SLCO4A1: variants seen among roughly 807,000 people sequenced by gnomAD.
SLCO4A1 encodes colon organic anion transporter.
A neutral mutation model predicts 64.6 loss-of-function variants in SLCO4A1; 51 were observed. The observed-to-expected ratio is 0.79, with a 90% CI of 0.63 to 1.00. SLCO4A1 has a LOEUF of 1.00. Among genes scored for constraint, SLCO4A1 ranks in the 50% least tolerant of loss-of-function variants. The probability of loss-of-function intolerance (pLI) is 0.00; values close to 1 mark genes in which losing one functional copy is unlikely to be tolerated. For synonymous variants in SLCO4A1, 471 were observed against 444.9 expected, an observed-to-expected ratio of 1.06 and a Z score of -0.74; for missense variants, 919 against 980.5, an observed-to-expected ratio of 0.94 and a Z score of 0.84.
downstream of SLCO4A1, among the ~76,000 whole-genome samples, chr20:62,686,255 A>G (rs911850009): frequency 6.6e-6 from 1 of 152,154 alleles, no homozygotes; most frequent in Admixed American, 6.5e-5. Flanking sequence ...TCATAAGGAC[A>G]TTATCTCCAA....
intron 7 of SLCO4A1, among the ~76,000 whole-genome samples, chr20:62,666,994 A>C (rs1024884844): frequency 1.3e-5 from 2 of 152,076 alleles, no homozygotes; most frequent in African/African-American, 4.8e-5. Context: ...GCAATTAGGG[A>C]ATATCCAAAA....
At position 62,656,410 on chromosome 20, in the gene SLCO4A1, C is replaced by G. The variant is rs371318867; in HGVS notation, c.-45C>G. The G allele has an allele frequency of 8.3e-6, 12 of 1,439,098 alleles. No homozygotes were observed. Among genetic ancestry groups the G allele is most frequent in the Non-Finnish European group, 1.0e-5 (11 of 1,094,280 alleles). 89.1% of individuals were successfully genotyped at this position (1,439,098 alleles called of 1,614,324 possible). On this transcript the variant is annotated 5_prime_UTR_variant, in exon 2 of 12. Transcript: ENST00000217159. ...TGGCCACTCCCGCTGAGGCCACTCC[C>G]ACTGCGTGGCTGAAGCCTCGAGGTC...
rs373153602 is a variant in SLCO4A1, at chr20:62,661,134, G to C, written c.1080G>C (p.Ala360=). The change falls in exon 5 of 12, where the codon GCG becomes GCC. Residue 360 remains alanine (A), a synonymous_variant. Coordinates refer to ENST00000217159, the MANE Select transcript of SLCO4A1 (RefSeq NM_016354.4). The surrounding 1 kb of genome is among the most constrained non-coding windows in gnomAD (Gnocchi z 5.2). ...HQLKDSSRGE[A]SNPDFGKTIR... ...TGAAGGACAGCAGCCGTGGGGAGGCGAGCAACCCGGACTTTGGGAAAACCA... is the reference window on the plus strand; with the variant it reads ...TGAAGGACAGCAGCCGTGGGGAGGCCAGCAACCCGGACTTTGGGAAAACCA... The C allele has an allele frequency of 6.2e-7, 1 of 1,613,272 alleles. No homozygotes were observed. The highest frequency in any genetic ancestry group is 1.3e-5 in the African/African-American group (1 of 74,906).
chr20:62,685,117 T>G lies in SLCO4A1; in HGVS notation n.212-324T>G, dbSNP rs1988009250. Among the ~76,000 whole-genome samples, 1 of 151,302 alleles carries G rather than the reference T, an allele frequency of 6.6e-6. No homozygotes were observed. Among genetic ancestry groups the G allele is most frequent in the Admixed American group, 6.6e-5 (1 of 15,220 alleles). ...TTGGGGCACGTGTGACCAGCCAGGG[T>G]CATAAAACACACATGGTCAGAGCAG... On this transcript the variant is annotated intron_variant and non_coding_transcript_variant, in intron 2 of 2. Coordinates refer to the SLCO4A1 transcript ENST00000466818. This position sits in a 1 kb window ranked among gnomAD's most constrained non-coding sequence, Gnocchi z 4.6.
intron 1 of SLCO4A1, among the ~76,000 whole-genome samples, chr20:62,646,648 A>C (rs1383375210): frequency 6.6e-6 from 1 of 152,138 alleles, no homozygotes; most frequent in Non-Finnish European, 1.5e-5. Context: ...TTCCATTCTG[A>C]GTCTGTTTCC....
At chr20:62,666,601 C>T (rs771188791) in intron 7 of SLCO4A1, 26 bp downstream of exon 7, 106 of 1,601,624 alleles carry the variant, frequency 6.6e-5, no homozygotes, top group Non-Finnish European at 8.0e-5. Context: ...CACCTGGGTA[C>T]GCGTCGGGGC....
chr20:62,685,068 C>A lies in SLCO4A1; in HGVS notation n.212-373C>A, dbSNP rs1000562525. On this transcript the variant is annotated intron_variant and non_coding_transcript_variant, in intron 2 of 2. Transcript: ENST00000466818. This position sits in a 1 kb window ranked among gnomAD's most constrained non-coding sequence, Gnocchi z 4.6. ...AGGGGCCAAGGGTCTGGGGTGAGGC[C>A]ACAGTGCATGGAGTGCATGGAGGTT... Among the ~76,000 whole-genome samples the A allele has an allele frequency of 1.3e-5, 2 of 152,076 alleles. No homozygotes were observed. Among genetic ancestry groups the A allele is most frequent in the Non-Finnish European group, 2.9e-5 (2 of 68,008 alleles).
intron 1 of SLCO4A1, among the ~76,000 whole-genome samples, chr20:62,653,599 A>G (rs1601621894): frequency 2.0e-5 from 3 of 151,822 alleles, no homozygotes; most frequent in African/African-American, 7.3e-5. Flanking sequence ...CTCCGCTCCC[A>G]CCCGCCACGC....
At chr20:62,677,160 C>G (rs919375024), downstream of SLCO4A1, among the ~76,000 whole-genome samples, 1 of 152,182 alleles carries the variant, frequency 6.6e-6, no homozygotes, top group Non-Finnish European at 1.5e-5. Context: ...GAGCGACTGT[C>G]ATGGGTGCAG....
In SLCO4A1 at chr20:62,685,042, C is replaced by T. The variant is rs1988005281; in HGVS notation, n.212-399C>T. Reference sequence around the variant, plus strand: ...AGAGACCAGTAATGGGGCGGATTAGCAGGGGCCAAGGGTCTGGGGTGAGGC... The same window carrying T: ...AGAGACCAGTAATGGGGCGGATTAGTAGGGGCCAAGGGTCTGGGGTGAGGC... On this transcript the variant is annotated intron_variant and non_coding_transcript_variant, in intron 2 of 2. Transcript: ENST00000466818. This position sits in a 1 kb window ranked among gnomAD's most constrained non-coding sequence, Gnocchi z 4.6. 6.6e-6 allele frequency among the ~76,000 whole-genome samples: 1 copy of T among 152,084 alleles called. No homozygotes were observed. Among genetic ancestry groups the T allele is most frequent in the East Asian group, 1.9e-4 (1 of 5,186 alleles).
In SLCO4A1 at chr20:62,666,565, T is replaced by C. The variant is rs1986380738; in HGVS notation, c.1462T>C (p.Tyr488His). 6.2e-7 allele frequency: 1 copy of C among 1,612,290 alleles called. No individual in the cohort carries two copies. The highest frequency in any genetic ancestry group is 2.2e-5 in the East Asian group (1 of 44,868). Residue 488 changes from tyrosine to histidine, a missense_variant, in exon 7 of 12, where the codon TAC (tyrosine) becomes CAC (histidine). Tyr to His is a moderately conservative substitution (Grantham distance 83, BLOSUM62 2). Coordinates refer to ENST00000217159, the MANE Select transcript of SLCO4A1 (RefSeq NM_016354.4). The stretch of plus-strand genomic sequence containing the variant: ...GCCCATGGCGGGCGTCACAGCCAGC[T>C]ACGGCGGGAGGTGAGGGCCAGATGG... ...SVPMAGVTAS[Y>H]GGSLLPEGHL... is the part of the protein sequence containing the mutation.
At position 62,657,245 on chromosome 20, in the gene SLCO4A1, A is replaced by G; in HGVS notation, c.791A>G (p.Tyr264Cys). Residue 264 changes from tyrosine (Y) to cysteine (C), a missense_variant, in exon 2 of 12, where the codon TAC becomes TGC. By Grantham distance (194) the Tyr-to-Cys change is radical (BLOSUM62 -2). Transcript: ENST00000217159. ...GTCAAGTCCAGCTGCTCGCCCGTCTACATTGGTGAGTGGGGCTGGCGGGGT... is the reference window on the plus strand; with the variant it reads ...GTCAAGTCCAGCTGCTCGCCCGTCTGCATTGGTGAGTGGGGCTGGCGGGGT... The part of the protein sequence containing the change: ...ENVKSSCSPV[Y>C]IAIFYTAAIL... 6.6e-7 allele frequency: 1 copy of G among 1,524,906 alleles called. No individual in the cohort carries two copies. The highest frequency in any genetic ancestry group is 8.9e-7 in the Non-Finnish European group (1 of 1,128,794). The allele number at this position is 1,524,906 out of a possible 1,614,324, so 94.5% of individuals were successfully genotyped here.
chr20:62,642,982 C>T lies in SLCO4A1; in HGVS notation c.-97+429C>T, dbSNP rs1246188369. On this transcript the variant is annotated intron_variant, in intron 1 of 11. Coordinates refer to ENST00000217159, the MANE Select transcript of SLCO4A1 (RefSeq NM_016354.4). ...GATCCAGCTGGGGACGAACGCGCCT[C>T]CGCGGAGCTCCAGAGTTGCGGAGTC... 4 of 469,710 alleles carry T rather than the reference C, an allele frequency of 8.5e-6. No homozygotes were observed. In the Admixed American group the frequency reaches 9.4e-5, roughly 11 times the overall value. The allele number at this position is 469,710 out of a possible 1,614,324, so 29.1% of individuals were successfully genotyped here.
downstream of SLCO4A1, among the ~76,000 whole-genome samples, chr20:62,687,269 G>T (rs993722245): frequency 6.6e-6 from 1 of 152,234 alleles, no homozygotes; most frequent in Non-Finnish European, 1.5e-5. Context: ...GCCCCACGTT[G>T]TTCCAAAGGT....
chr20:62,673,330 G>A (rs1254817602), downstream of SLCO4A1, among the ~76,000 whole-genome samples: 1 of 143,306 alleles, frequency 7.0e-6, no homozygotes, highest in Non-Finnish European at 1.6e-5. Flanking sequence ...GGAGTGGGGA[G>A]GACGAGGAAC....
chr20:62,667,126 T>G (rs1986497045), intron 7 of SLCO4A1, among the ~76,000 whole-genome samples: 1 of 152,166 alleles, frequency 6.6e-6, no homozygotes, highest in Admixed American at 6.5e-5. Context: ...CTAAGAGTCA[T>G]CAGGGTGGAC....
At chr20:62,652,595 G>C (rs1437082521) in intron 1 of SLCO4A1, among the ~76,000 whole-genome samples, 1 of 152,228 alleles carries the variant, frequency 6.6e-6, no homozygotes, top group Non-Finnish European at 1.5e-5. Flanking sequence ...GCCGTGGGTG[G>C]CTCTCTGCCC....
At chr20:62,686,951 C>A (rs1479455090), downstream of SLCO4A1, among the ~76,000 whole-genome samples, 1 of 150,794 alleles carries the variant, frequency 6.6e-6, no homozygotes, top group Non-Finnish European at 1.5e-5. Context: ...AAAGGGCACC[C>A]CCAAACAGGC....
At chr20:62,647,727 T>C (rs1336519606) in intron 1 of SLCO4A1, among the ~76,000 whole-genome samples, 1 of 152,226 alleles carries the variant, frequency 6.6e-6, no homozygotes, top group Admixed American at 6.5e-5. Flanking sequence ...CTTCTAGAAG[T>C]GGCACAGGCC....
Sources: gnomAD v4.1 joint callset for allele counts (sites outside exome capture counted in the v4.1 genomes callset) on GRCh38, gnomAD v4.1.1 for gene constraint, Gnocchi (gnomAD v3.1) non-coding constraint, MANE v1.5 for transcripts, NCBI Gene and HGNC (gene_info 2026-07-23, HGNC 2026-07-21) for gene names.